PTPRF: variants seen among roughly 807,000 people sequenced by gnomAD.
PTPRF encodes the protein protein tyrosine phosphatase receptor type F.
In PTPRF, 59 loss-of-function variants were observed where a neutral mutation model predicts 201.8. That is an observed-to-expected ratio of 0.29 (90% CI 0.24 to 0.36). The LOEUF (loss-of-function observed/expected upper bound fraction) is 0.36, where lower values mean the gene tolerates loss of function less well. Ranked by LOEUF, PTPRF falls within the 10% of genes least tolerant of loss-of-function variation. The pLI is 1.00. For missense variants in PTPRF, 2,132 were observed against 2,690.5 expected (o/e 0.79, Z 4.59); for synonymous variants, 1,088 against 1,089.7 (o/e 1.00, Z 0.03).
At chr1:43,583,398 C>T (rs1434379772) in intron 7 of PTPRF, among the ~76,000 whole-genome samples, 1 of 152,204 alleles carries the variant, frequency 6.6e-6, no homozygotes, top group Non-Finnish European at 1.5e-5. Flanking sequence ...CACCTTTGCA[C>T]CCAGGCCGGG....
intron 7 of PTPRF, chr1:43,579,605 G>A (rs952482009): frequency 1.1e-5 from 3 of 273,518 alleles, no homozygotes; most frequent in African/African-American, 2.2e-5. Context: ...GACTGTTTTG[G>A]GGTTTCCAAT....
chr1:43,570,054 A>C (rs1235772312), intron 6 of PTPRF, among the ~76,000 whole-genome samples: 1 of 152,126 alleles, frequency 6.6e-6, no homozygotes, highest in African/African-American at 2.4e-5. Flanking sequence ...TGGACTCTTC[A>C]AGGGTGCTCT....
At chr1:43,572,423 G>A (rs903805559) in intron 6 of PTPRF, among the ~76,000 whole-genome samples, 5 of 152,140 alleles carry the variant, frequency 3.3e-5, no homozygotes, top group Non-Finnish European at 4.4e-5. Flanking sequence ...TCAGGGTCGT[G>A]GGCCCAGGGT....
At chr1:43,599,473 T>C (rs1198404138) in intron 13 of PTPRF, among the ~76,000 whole-genome samples, 1 of 152,184 alleles carries the variant, frequency 6.6e-6, no homozygotes, top group Admixed American at 6.5e-5. Context: ...AGGGCTGTCT[T>C]ACCCCACTGG....
chr1:43,569,747 G>A lies in PTPRF; in HGVS notation c.537G>A (p.Thr179=), dbSNP rs781681770. 1.4e-5 allele frequency: 23 copies of A among 1,612,874 alleles called. No homozygotes were observed. The highest frequency in any genetic ancestry group is 4.0e-5 in the African/African-American group (3 of 74,874). ...ACTTCCTTCCTGTAGACCCTGCCACGAGCAACGGCCGCATCAAGCAGCTGC... is the reference window on the plus strand; with the variant it reads ...ACTTCCTTCCTGTAGACCCTGCCACAAGCAACGGCCGCATCAAGCAGCTGC... ...FKDFLPVDPA[T]SNGRIKQLRS... Residue 179 remains threonine, a synonymous_variant, in exon 6 of 34, where the codon ACG becomes ACA. Transcript: ENST00000359947.
At chr1:43,527,151 G>A (rs1427357309), upstream of PTPRF, among the ~76,000 whole-genome samples, 1 of 152,210 alleles carries the variant, frequency 6.6e-6, no homozygotes, top group Admixed American at 6.5e-5. Flanking sequence ...AGCAGTGAGT[G>A]GGAGCTGACA....
rs1469788881 is a variant in PTPRF, at chr1:43,622,741, C to T, written c.*738C>T. On this transcript the variant is annotated 3_prime_UTR_variant, in exon 34 of 34. Transcript: ENST00000359947. Reference sequence around the variant, plus strand: ...AAGATAGGGAACACTCATCCCTGGTCGTCTATCCCAGTGTGTGTTTAACAT... The same window carrying T: ...AAGATAGGGAACACTCATCCCTGGTTGTCTATCCCAGTGTGTGTTTAACAT... 1.3e-5 allele frequency: 2 copies of T among 152,556 alleles called. No individual in the cohort carries two copies. Among genetic ancestry groups the T allele is most frequent in the African/African-American group, 4.8e-5 (2 of 41,410 alleles). The allele number at this position is 152,556 out of a possible 1,614,324, so 9.5% of individuals were successfully genotyped here.
chr1:43,555,405 T>A (rs889992981), intron 5 of PTPRF, among the ~76,000 whole-genome samples: 3 of 151,126 alleles, frequency 2.0e-5, no homozygotes, highest in Admixed American at 1.3e-4. Context: ...ATGGCTAACA[T>A]CTTCCTTGCC....
At chr1:43,610,497 C>T (rs1250191291) in intron 22 of PTPRF, among the ~76,000 whole-genome samples, 7 of 152,276 alleles carry the variant, frequency 4.6e-5, no homozygotes, top group Non-Finnish European at 1.0e-4. Flanking sequence ...AGCCGGAAGA[C>T]TTGAAGGCTG....
chr1:43,598,157 A>G, intron 12 of PTPRF, 104 bp downstream of exon 12: 2 of 1,214,248 alleles, frequency 1.6e-6, no homozygotes, highest in Non-Finnish European at 2.2e-6. Flanking sequence ...AGGTCAACTC[A>G]TCTTTCTGGT....
intron 6 of PTPRF, 105 bp from the exon 7 acceptor site, chr1:43,578,705 G>A (rs921824359): frequency 2.7e-5 from 23 of 842,024 alleles, no homozygotes; most frequent in African/African-American, 8.4e-5. Flanking sequence ...GATGAGCTTC[G>A]ACATCTGGTC....
intron 6 of PTPRF, among the ~76,000 whole-genome samples, chr1:43,574,332 A>G (rs186087758): frequency 6.6e-6 from 1 of 152,250 alleles, no homozygotes; most frequent in East Asian, 1.9e-4. Flanking sequence ...TTACCATATT[A>G]GATATTAAGA....
At chr1:43,559,403 T>C (rs1293815428) in intron 5 of PTPRF, among the ~76,000 whole-genome samples, 1 of 152,122 alleles carries the variant, frequency 6.6e-6, no homozygotes, top group African/African-American at 2.4e-5. Flanking sequence ...TTATGGGCTA[T>C]GTATACAGCA....
chr1:43,591,596 G>A, intron 9 of PTPRF, 43 bp downstream of exon 9: 2 of 1,509,656 alleles, frequency 1.3e-6, no homozygotes, highest in South Asian at 1.2e-5. Flanking sequence ...AGCAGAGAAG[G>A]GGAGGCTGAG....
intron 13 of PTPRF, among the ~76,000 whole-genome samples, chr1:43,600,760 T>C (rs1299450054): frequency 6.6e-6 from 1 of 152,082 alleles, no homozygotes; most frequent in African/African-American, 2.4e-5. Context: ...TCTCTCCTTC[T>C]TGGAGTCTCT....
At position 43,603,769 on chromosome 1, in the gene PTPRF, G is replaced by A. The variant is rs757630823; in HGVS notation, c.2617G>A (p.Asp873Asn). The change falls in exon 16 of 34, where the codon GAT becomes AAT. Residue 873 changes from aspartate (D) to asparagine (N), a missense_variant. By Grantham distance (23) the Asp-to-Asn change is conservative. Around this residue, in one of 6 missense-constraint regions of PTPRF, gnomAD observed 818 missense variants for 915.3 expected, o/e 0.89. Coordinates refer to ENST00000359947, the MANE Select transcript of PTPRF (RefSeq NM_002840.5). The surrounding 1 kb of genome is among the most constrained non-coding windows in gnomAD (Gnocchi z 5.8). The part of the protein sequence containing the change: ...ARPNTIDFGK[D>N]DQHFTVTGLH... ...GCCCAACACCATAGATTTCGGCAAG[G>A]ATGACCAGCACTTCACAGTCACCGG... 45 of 1,613,966 alleles carry A rather than the reference G, an allele frequency of 2.8e-5. No individual in the cohort carries two copies. In the South Asian group the frequency reaches 4.0e-4, roughly 14 times the overall value.
intron 6 of PTPRF, 107 bp downstream of exon 6, chr1:43,569,885 C>T (rs972687555): frequency 4.5e-5 from 56 of 1,233,360 alleles, no homozygotes; most frequent in East Asian, 8.1e-5. Flanking sequence ...CAGGGCTGAG[C>T]GGAGGGTACC....
rs1430627272 is a variant in PTPRF, at chr1:43,619,355, A to G, written c.4714A>G (p.Lys1572Glu). The change falls in exon 28 of 34, where the codon AAG becomes GAG. Residue 1572 changes from lysine to glutamate, a missense_variant. Around this residue, in one of 6 missense-constraint regions of PTPRF, gnomAD observed 519 missense variants for 659.5 expected, o/e 0.79. Transcript: ENST00000359947. ...DAMLERMKHE[K>E]TVDIYGHVTC... Reference sequence around the variant, plus strand: ...CATGTTGGAGCGGATGAAGCACGAGAAGACGGTGGACATCTATGGCCACGT... The same window carrying G: ...CATGTTGGAGCGGATGAAGCACGAGGAGACGGTGGACATCTATGGCCACGT... The G allele has an allele frequency of 4.3e-6, 7 of 1,613,896 alleles. No homozygotes were observed. Among genetic ancestry groups the G allele is most frequent in the East Asian group, 4.5e-5 (2 of 44,898 alleles).
intron 21 of PTPRF, among the ~76,000 whole-genome samples, chr1:43,607,853 C>T (rs986911143): frequency 1.3e-5 from 2 of 152,244 alleles, no homozygotes; most frequent in Non-Finnish European, 2.9e-5. Flanking sequence ...GGCCCCTACC[C>T]CTTCCTTGCA....
Sources: gnomAD v4.1 joint callset for allele counts (sites outside exome capture counted in the v4.1 genomes callset) on GRCh38, gnomAD v4.1.1 for gene constraint, gnomAD v4.1.1 regional missense constraint, Gnocchi (gnomAD v3.1) non-coding constraint, MANE v1.5 for transcripts, NCBI Gene and HGNC (gene_info 2026-07-23, HGNC 2026-07-21) for gene names.